Variants in ATG7 observed in about 807,000 individuals in gnomAD.
ATG7 encodes ubiquitin-like modifier-activating enzyme ATG7.
Under a neutral mutation model 82.4 loss-of-function variants are expected in ATG7, and 70 were observed. The ratio of observed to expected loss-of-function variants is 0.85; its 90% CI spans 0.70 to 1.04. The LOEUF is 1.04. ATG7 is among the 50% of genes least tolerant of loss of function. The probability of loss-of-function intolerance (pLI) is 0.00; values close to 1 mark genes in which losing one functional copy is unlikely to be tolerated. For synonymous variants in ATG7, 287 were observed against 313.0 expected (o/e 0.92, Z 0.88); for missense variants, 792 against 864.3 (o/e 0.92, Z 1.05).
intron 6 of ATG7, among the ~76,000 whole-genome samples, chr3:11,307,398 C>G (rs1478093496): frequency 6.6e-6 from 1 of 152,226 alleles, no homozygotes; most frequent in Admixed American, 6.5e-5. Flanking sequence ...CTGAATGCCT[C>G]TAGGCACTCT....
At chr3:11,567,863 G>C in the ATG7 span, among the ~76,000 whole-genome samples, 1 of 152,206 alleles carries the variant, frequency 6.6e-6, no homozygotes, top group Non-Finnish European at 1.5e-5. Context: ...TGAGTGAATG[G>C]CTTCTCTCCA....
chr3:11,402,413 A>G (rs865794025), intron 19 of ATG7, among the ~76,000 whole-genome samples: 12 of 152,354 alleles, frequency 7.9e-5, no homozygotes, highest in African/African-American at 2.4e-4. Flanking sequence ...AGCCTGGGCA[A>G]TAGAGTGAGA....
intron 20 of ATG7, among the ~76,000 whole-genome samples, chr3:11,500,290 A>G (rs1242836103): frequency 6.6e-6 from 1 of 152,196 alleles, no homozygotes; most frequent in East Asian, 1.9e-4. Context: ...GGAGGTGGAG[A>G]CATAAAACTG....
chr3:11,503,723 T>C (rs111406472), intron 20 of ATG7, among the ~76,000 whole-genome samples: 13,637 of 123,888 alleles, frequency 0.11, 1,191 homozygotes, highest in African/African-American at 0.27. Flanking sequence ...GCCATTGCAC[T>C]CCAGCCTGGG....
At chr3:11,470,044 T>A (rs1230234244) in intron 20 of ATG7, among the ~76,000 whole-genome samples, 1 of 149,358 alleles carries the variant, frequency 6.7e-6, no homozygotes, top group Non-Finnish European at 1.5e-5. Flanking sequence ...CTGTGCGTGC[T>A]TCAGCTACCC....
At chr3:11,562,876 G>T in the ATG7 span, among the ~76,000 whole-genome samples, 6 of 152,196 alleles carry the variant, frequency 3.9e-5, no homozygotes, top group Non-Finnish European at 8.8e-5. Context: ...TAGCTGGGGG[G>T]TCGAGGTTCT....
chr3:11,455,470 G>C (rs906109111), intron 20 of ATG7, among the ~76,000 whole-genome samples: 2 of 152,112 alleles, frequency 1.3e-5, no homozygotes, highest in Non-Finnish European at 2.9e-5. Context: ...TTCAGAGTAG[G>C]GCATCTGAGC....
intron 5 of ATG7, among the ~76,000 whole-genome samples, chr3:11,302,518 A>C (rs1946946760): frequency 1.3e-5 from 2 of 152,246 alleles, no homozygotes; most frequent in Non-Finnish European, 2.9e-5. Flanking sequence ...TGTGTTAGGA[A>C]TACAAAGACT....
At chr3:11,370,995 G>C (rs532312696) in intron 18 of ATG7, among the ~76,000 whole-genome samples, 1 of 151,210 alleles carries the variant, frequency 6.6e-6, no homozygotes, top group African/African-American at 2.4e-5. Context: ...CCTTGGGCAA[G>C]CCATGTCACT....
chr3:11,574,659 A>G, the ATG7 span, among the ~76,000 whole-genome samples: 1 of 152,326 alleles, frequency 6.6e-6, no homozygotes, highest in Admixed American at 6.5e-5. Flanking sequence ...GGATGTTCCC[A>G]GCACAAAGAA....
rs1029171089 is a variant in ATG7, at chr3:11,302,656, T to C, written c.215+3240T>C. On this transcript the variant is annotated intron_variant, in intron 5 of 20. Transcript: ENST00000693202. Reference sequence around the variant, plus strand: ...GTAATCATTATTTCAGGAAAACTTATTGATTGCTTCCTCTGTGTCTTGATA... The same window carrying C: ...GTAATCATTATTTCAGGAAAACTTACTGATTGCTTCCTCTGTGTCTTGATA... Among the ~76,000 whole-genome samples the C allele has an allele frequency of 4.6e-5, 7 of 152,368 alleles. No homozygotes were observed. In the East Asian group the frequency reaches 1.3e-3, roughly 29 times the overall value.
Position 11,554,895 on chromosome 3 carries a change from T to C in ATG7, c.*52T>C, listed in dbSNP as rs773276200. On this transcript the variant is annotated 3_prime_UTR_variant, in exon 21 of 21. Transcript: ENST00000693202. ...TCCCCGGCCGCCTGCTGAGGAGCTCTCCATCGCCAGAGCAGGACTGCTGAC... is the reference window on the plus strand; with the variant it reads ...TCCCCGGCCGCCTGCTGAGGAGCTCCCCATCGCCAGAGCAGGACTGCTGAC... 2.4e-5 allele frequency: 39 copies of C among 1,597,802 alleles called. No individual in the cohort carries two copies. Among genetic ancestry groups the C allele is most frequent in the Non-Finnish European group, 3.2e-5 (37 of 1,172,818 alleles).
rs199974104 is a variant in ATG7, at chr3:11,315,535, A to T, written c.678+42A>T. The T allele has an allele frequency of 1.4e-5, 21 of 1,473,014 alleles. No individual in the cohort carries two copies. The East Asian group carries it at 2.0e-4, about 14-fold the overall frequency. The allele number at this position is 1,473,014 out of a possible 1,614,324, so 91.2% of individuals were successfully genotyped here. A position where few individuals can be genotyped will look rare whatever the true frequency, so the allele number is the denominator to read the frequency against. ...GTATCATTTTATTATATAGTTTTTTAAAAAATCTGAAGTTCATGTTACAAG... is the reference window on the plus strand; with the variant it reads ...GTATCATTTTATTATATAGTTTTTTTAAAAATCTGAAGTTCATGTTACAAG... On this transcript the variant is annotated intron_variant, in intron 9 of 20. Transcript: ENST00000693202.
chr3:11,393,068 T>A (rs990660393), intron 19 of ATG7, among the ~76,000 whole-genome samples: 1 of 152,162 alleles, frequency 6.6e-6, no homozygotes, highest in Non-Finnish European at 1.5e-5. Context: ...AAACTTTTCA[T>A]TGGCGCAGGT....
chr3:11,541,419 A>C (rs1216797415), intron 20 of ATG7, among the ~76,000 whole-genome samples: 2 of 152,144 alleles, frequency 1.3e-5, no homozygotes, highest in Non-Finnish European at 2.9e-5. Context: ...ATTCCTGGTT[A>C]TCCTCATCTC....
At chr3:11,390,692 A>G (rs983965688) in intron 19 of ATG7, among the ~76,000 whole-genome samples, 1 of 151,558 alleles carries the variant, frequency 6.6e-6, no homozygotes, top group Non-Finnish European at 1.5e-5. Context: ...TTTTCCAGAA[A>G]GTAATTTGAA....
chr3:11,319,050 C>G (rs1949851124), intron 9 of ATG7, among the ~76,000 whole-genome samples: 1 of 152,204 alleles, frequency 6.6e-6, no homozygotes, highest in Non-Finnish European at 1.5e-5. Flanking sequence ...ACTCTGCGTC[C>G]TCAACATTTA....
intron 19 of ATG7, among the ~76,000 whole-genome samples, chr3:11,424,430 A>G (rs1336325207): frequency 6.6e-6 from 1 of 151,954 alleles, no homozygotes; most frequent in Admixed American, 6.6e-5. Flanking sequence ...AGTAAGCTGT[A>G]ATTGTGCCAT....
Position 11,299,423 on chromosome 3 carries a change from AT to A in ATG7, c.215+10del. On this transcript the variant is annotated splice_region_variant and intron_variant, in intron 5 of 20. Coordinates refer to ENST00000693202, the MANE Select transcript of ATG7 (RefSeq NM_001349232.2). ...AGTTCAGTGCTTTTGACATGTGAGT[AT>A]TTATTTGTTCAAAATCTGAAGTAAA... 6.2e-7 allele frequency: 1 copy of A among 1,606,364 alleles called. No individual in the cohort carries two copies. The highest frequency in any genetic ancestry group is 8.5e-7 in the Non-Finnish European group (1 of 1,173,032).
Sources: allele counts gnomAD v4.1 joint callset (sites outside exome capture counted in the v4.1 genomes callset), GRCh38; gene constraint gnomAD v4.1.1; transcripts MANE v1.5; gene names NCBI Gene and HGNC (gene_info 2026-07-23, HGNC 2026-07-21).